The following PDE1A variants were observed in gnomAD, a reference collection of about 807,000 sequenced individuals.
The protein encoded by PDE1A is dual specificity calcium/calmodulin-dependent 3',5'-cyclic nucleotide phosphodiesterase 1A.
Under a neutral mutation model 61.7 loss-of-function variants are expected in PDE1A, and 35 were observed. That is an observed-to-expected ratio of 0.57 (90% CI 0.43 to 0.75). The LOEUF (loss-of-function observed/expected upper bound fraction) is 0.75. PDE1A is among the 30% of genes least tolerant of loss of function. The pLI is 0.00. For missense variants in PDE1A, 597 were observed against 630.6 expected, an observed-to-expected ratio of 0.95 and a Z score of 0.57; for synonymous variants, 232 against 213.2, an observed-to-expected ratio of 1.09 and a Z score of -0.77.
chr2:182,292,139 G>T (rs1353911560), intron 1 of PDE1A, among the ~76,000 whole-genome samples: 1 of 152,080 alleles, frequency 6.6e-6, no homozygotes, highest in African/African-American at 2.4e-5. Flanking sequence ...AATTGGATAT[G>T]CTTTGTGTGT....
intron 1 of PDE1A, among the ~76,000 whole-genome samples, chr2:182,339,009 A>G (rs922860933): frequency 3.3e-5 from 5 of 152,234 alleles, no homozygotes; most frequent in Admixed American, 3.3e-4. Flanking sequence ...TCTGAAGAAT[A>G]TGAATTTTAA....
At chr2:182,450,227 T>C (rs1235436863) in intron 2 of PDE1A, among the ~76,000 whole-genome samples, 1 of 151,924 alleles carries the variant, frequency 6.6e-6, no homozygotes, top group Non-Finnish European at 1.5e-5. Context: ...AAAAGCACCA[T>C]CAAGCACATA....
the PDE1A span, among the ~76,000 whole-genome samples, chr2:182,703,485 G>C: frequency 6.6e-6 from 1 of 152,130 alleles, no homozygotes. Context: ...CCCAGCTCCC[G>C]GGTTGGGTAA....
chr2:182,160,484 C>G (rs751248943), intron 13 of PDE1A, among the ~76,000 whole-genome samples: 46 of 152,168 alleles, frequency 3.0e-4, no homozygotes, highest in Non-Finnish European at 6.0e-4. Context: ...CTCTCTGTCT[C>G]TCTCTTCCTG....
At chr2:182,438,252 G>A (rs1684567732) in intron 2 of PDE1A, among the ~76,000 whole-genome samples, 1 of 151,838 alleles carries the variant, frequency 6.6e-6, no homozygotes, top group South Asian at 2.1e-4. Context: ...TAAAGATAGA[G>A]ACTTCTTATA....
At chr2:182,154,224 A>G (rs1464856607) in intron 13 of PDE1A, among the ~76,000 whole-genome samples, 1 of 152,170 alleles carries the variant, frequency 6.6e-6, no homozygotes, top group East Asian at 1.9e-4. Flanking sequence ...CAATACATAA[A>G]TCCATTTCTG....
chr2:182,590,976 C>T, the PDE1A span, among the ~76,000 whole-genome samples: 1 of 152,154 alleles, frequency 6.6e-6, no homozygotes, highest in Non-Finnish European at 1.5e-5. Flanking sequence ...TCCACAGGAA[C>T]TATAACAATG....
At chr2:182,608,861 G>A in the PDE1A span, among the ~76,000 whole-genome samples, 1 of 152,250 alleles carries the variant, frequency 6.6e-6, no homozygotes, top group Non-Finnish European at 1.5e-5. Context: ...CTGGGCTCCT[G>A]AGTCTGGTGG....
chr2:182,640,474 G>T, the PDE1A span, among the ~76,000 whole-genome samples: 1 of 152,014 alleles, frequency 6.6e-6, no homozygotes, highest in Admixed American at 6.6e-5. Context: ...CCTGTCAGCT[G>T]GGAATAAAAA....
At chr2:182,396,833 G>C (rs998125923) in intron 1 of PDE1A, among the ~76,000 whole-genome samples, 1 of 152,158 alleles carries the variant, frequency 6.6e-6, no homozygotes, top group African/African-American at 2.4e-5. Flanking sequence ...AGTTGACAAG[G>C]GGTGGACTTA....
chr2:182,492,677 GA>G (rs1417858573), intron 2 of PDE1A, among the ~76,000 whole-genome samples: 1 of 152,144 alleles, frequency 6.6e-6, no homozygotes, highest in Non-Finnish European at 1.5e-5. Context: ...TTCACTTAGA[GA>G]AGAATCAACT....
the PDE1A span, among the ~76,000 whole-genome samples, chr2:182,657,322 A>G: frequency 1.6e-4 from 25 of 152,372 alleles, no homozygotes; most frequent in South Asian, 4.3e-3. Flanking sequence ...TGTGTCAGAC[A>G]TACATTTTAT....
At chr2:182,319,780 C>T (rs1010943748) in intron 1 of PDE1A, among the ~76,000 whole-genome samples, 15 of 152,018 alleles carry the variant, frequency 9.9e-5, no homozygotes, top group Non-Finnish European at 2.1e-4. Context: ...TAAAAATTGG[C>T]GTGACAAAGT....
the PDE1A span, among the ~76,000 whole-genome samples, chr2:182,604,861 G>A: frequency 1.3e-5 from 2 of 152,032 alleles, no homozygotes; most frequent in African/African-American, 4.8e-5. Flanking sequence ...GATTTACCAA[G>A]TGTTTAGTAT....
intron 1 of PDE1A, among the ~76,000 whole-genome samples, chr2:182,386,937 G>A (rs1385430407): frequency 1.2e-4 from 19 of 152,276 alleles, no homozygotes; most frequent in Admixed American, 1.2e-3. Context: ...AGCTCACTGA[G>A]AATGGGCCAT....
chr2:182,677,616 T>C, the PDE1A span, among the ~76,000 whole-genome samples: 4 of 152,190 alleles, frequency 2.6e-5, no homozygotes, highest in Non-Finnish European at 4.4e-5. Flanking sequence ...TCAGGCTACC[T>C]GACTTCAAAC....
intron 1 of PDE1A, among the ~76,000 whole-genome samples, chr2:182,324,221 C>T (rs946048537): frequency 6.6e-5 from 10 of 151,924 alleles, no homozygotes; most frequent in East Asian, 1.9e-4. Flanking sequence ...ATAATACTAA[C>T]GGTTCTATAT....
chr2:182,336,236 A>C (rs1301134311), intron 1 of PDE1A, among the ~76,000 whole-genome samples: 1 of 152,166 alleles, frequency 6.6e-6, no homozygotes, highest in African/African-American at 2.4e-5. Flanking sequence ...TAGAACCAGA[A>C]ATACCATTTG....
intron 1 of PDE1A, among the ~76,000 whole-genome samples, chr2:182,357,452 T>C (rs1699258881): frequency 6.6e-6 from 1 of 152,140 alleles, no homozygotes; most frequent in African/African-American, 2.4e-5. Flanking sequence ...AAAAACAGTA[T>C]TGCATGGATA....
Sources: allele counts gnomAD v4.1 joint callset (sites outside exome capture counted in the v4.1 genomes callset), GRCh38; gene constraint gnomAD v4.1.1; transcripts MANE v1.5; gene names NCBI Gene and HGNC (gene_info 2026-07-23, HGNC 2026-07-21).